The following PDSS1 variants were observed in gnomAD, a reference collection of about 807,000 sequenced individuals.
The protein encoded by PDSS1 is decaprenyl diphosphate synthase subunit 1.
A neutral mutation model predicts 57.5 loss-of-function variants in PDSS1; 43 were observed. The observed-to-expected ratio is 0.75, with a 90% confidence interval of 0.59 to 0.96. PDSS1 has a LOEUF of 0.96. Ranked by LOEUF, PDSS1 falls within the 50% of genes least tolerant of loss-of-function variation. PDSS1 has a pLI of 0.00. For synonymous variants in PDSS1, 175 were observed against 191.3 expected (o/e 0.91, Z 0.70); for missense variants, 438 against 527.8 (o/e 0.83, Z 1.67).
At position 26,709,669 on chromosome 10, in the gene PDSS1, A is replaced by G; in HGVS notation, c.368A>G (p.Glu123Gly). The change falls in exon 5 of 12, where the codon GAA (glutamate) becomes GGA (glycine). Residue 123 changes from glutamate to glycine, a missense_variant. Transcript: ENST00000376215. ...ELLISTSELK[E>G]MSEYYFDGKG... ...CTTATATCAACATCAGAACTTAAGGAAATGTCTGAGTACTACTTTGATGGG... is the reference window on the plus strand; with the variant it reads ...CTTATATCAACATCAGAACTTAAGGGAATGTCTGAGTACTACTTTGATGGG... 21 of 1,613,392 alleles carry G rather than the reference A, an allele frequency of 1.3e-5. No homozygotes were observed. The highest frequency in any genetic ancestry group is 1.8e-5 in the Non-Finnish European group (21 of 1,179,296).
In PDSS1 at chr10:26,746,596, T is replaced by TTGA; in HGVS notation, c.*126_*128dup. The TTGA allele has an allele frequency of 1.9e-6, 2 of 1,043,868 alleles. No individual in the cohort carries two copies. The highest frequency in any genetic ancestry group is 2.9e-6 in the Non-Finnish European group (2 of 701,460). 64.7% of individuals were successfully genotyped at this position (1,043,868 alleles called of 1,614,324 possible). A position where few individuals can be genotyped will look rare whatever the true frequency, so the allele number is the denominator to read the frequency against. On this transcript the variant is annotated 3_prime_UTR_variant, in exon 12 of 12. Transcript: ENST00000376215. ...ATCATTTTAAAAGATATCAAACTTA[T>TTGA]TGATGGGCAATTTATTTTTTTTTAT...
chr10:26,697,838 C>A lies in PDSS1; in HGVS notation c.127C>A (p.Gln43Lys). The A allele has an allele frequency of 1.5e-6, 2 of 1,337,592 alleles. No homozygotes were observed. The highest frequency in any genetic ancestry group is 1.9e-6 in the Non-Finnish European group (2 of 1,037,962). 82.9% of individuals were successfully genotyped at this position (1,337,592 alleles called of 1,614,324 possible). Residue 43 changes from glutamine to lysine, a missense_variant and splice_region_variant, in exon 1 of 12, where the codon CAG becomes AAG. Physicochemically the swap from Gln to Lys is moderately conservative, Grantham distance 53. Coordinates refer to ENST00000376215, the MANE Select transcript of PDSS1 (RefSeq NM_014317.5). ...GPSAAAEVRA[Q>K]VHRRKGLDLS... is the part of the protein sequence containing the mutation. ...GAGCGCCGCTGCCGAAGTCCGCGCG[C>A]AGGTGAGGTTGGGAGGCGCGCGCCC...
intron 8 of PDSS1, among the ~76,000 whole-genome samples, chr10:26,727,843 C>A (rs1292337216): frequency 6.6e-6 from 1 of 152,150 alleles, no homozygotes; most frequent in African/African-American, 2.4e-5. Context: ...AACAGTCTTT[C>A]TTTGCCTCTC....
In PDSS1 at chr10:26,746,697, TATAATC is replaced by T; in HGVS notation, c.*226_*231del. 1.9e-6 allele frequency: 1 copy of T among 528,024 alleles called. No individual in the cohort carries two copies. 32.7% of individuals were successfully genotyped at this position (528,024 alleles called of 1,614,324 possible). On this transcript the variant is annotated 3_prime_UTR_variant, in exon 12 of 12. Coordinates refer to ENST00000376215, the MANE Select transcript of PDSS1 (RefSeq NM_014317.5). ...AATCTGTCATTCTAGTCCTATAAAT[TATAATC>T]AAGGTATCTTGATGGTTATATGTGG...
chr10:26,705,863 A>G (rs1835196051), intron 4 of PDSS1, among the ~76,000 whole-genome samples: 1 of 152,334 alleles, frequency 6.6e-6, no homozygotes, highest in African/African-American at 2.4e-5. Context: ...GTGCCAGGCA[A>G]TATGAAGAAT....
intron 1 of PDSS1, 21 bp downstream of exon 1, chr10:26,697,861 C>G: frequency 7.7e-7 from 1 of 1,292,580 alleles, no homozygotes. Context: ...GAGGCGCGCG[C>G]CCGGCGGGGC....
chr10:26,743,239 T>TCTGCATGAC, intron 11 of PDSS1, among the ~76,000 whole-genome samples: 1 of 152,224 alleles, frequency 6.6e-6, no homozygotes, highest in South Asian at 2.1e-4. Context: ...TGACTTGAGT[T>TCTGCATGAC]TTGGTGACTG....
At chr10:26,721,222 C>A (rs1427716619) in intron 6 of PDSS1, among the ~76,000 whole-genome samples, 1 of 151,556 alleles carries the variant, frequency 6.6e-6, no homozygotes, top group East Asian at 1.9e-4. Context: ...TCGCTTGAAC[C>A]TGGGAGAGGG....
chr10:26,718,984 T>G (rs1835693530), intron 5 of PDSS1, among the ~76,000 whole-genome samples: 1 of 152,212 alleles, frequency 6.6e-6, no homozygotes, highest in Admixed American at 6.6e-5. Context: ...ACTTCATTTT[T>G]CATTGCTTTC....
chr10:26,713,809 C>T (rs370611648), intron 5 of PDSS1, among the ~76,000 whole-genome samples: 1 of 152,298 alleles, frequency 6.6e-6, no homozygotes, highest in East Asian at 1.9e-4. Context: ...AGCTGCTGTA[C>T]CAGGTATGGT....
chr10:26,725,224 C>T (rs529587895), intron 8 of PDSS1, among the ~76,000 whole-genome samples: 10 of 152,246 alleles, frequency 6.6e-5, no homozygotes, highest in Admixed American at 4.6e-4. Flanking sequence ...GTAAGGGTCG[C>T]ATGTCAATTG....
chr10:26,719,814 G>A (rs1423291802), intron 5 of PDSS1, among the ~76,000 whole-genome samples: 27 of 152,118 alleles, frequency 1.8e-4, no homozygotes, highest in Admixed American at 1.8e-3. Context: ...AGACAGTTGA[G>A]TCTTTAAAAT....
At chr10:26,710,495 ATT>A (rs541495006) in intron 5 of PDSS1, among the ~76,000 whole-genome samples, 9 of 78,858 alleles carry the variant, frequency 1.1e-4, no homozygotes, top group African/African-American at 1.2e-4. Flanking sequence ...TGCCCGGCTA[ATT>A]TTTTTTTTTT....
At chr10:26,698,372 G>T (rs572239072) in intron 1 of PDSS1, among the ~76,000 whole-genome samples, 6 of 152,274 alleles carry the variant, frequency 3.9e-5, no homozygotes, top group African/African-American at 1.4e-4. Flanking sequence ...TTGTCCAGCA[G>T]TGGCCTCGGG....
At position 26,746,714 on chromosome 10, in the gene PDSS1, G is replaced by A; in HGVS notation, c.*241G>A. On this transcript the variant is annotated 3_prime_UTR_variant, in exon 12 of 12. Transcript: ENST00000376215. ...CTATAAATTATAATCAAGGTATCTT[G>A]ATGGTTATATGTGGTATTGTTTACA... 1 of 505,180 alleles carries A rather than the reference G, an allele frequency of 2.0e-6. No individual in the cohort carries two copies. Among genetic ancestry groups the A allele is most frequent in the South Asian group, 2.1e-5 (1 of 48,494 alleles). The allele number at this position is 505,180 out of a possible 1,614,324, so 31.3% of individuals were successfully genotyped here. A position where few individuals can be genotyped will look rare whatever the true frequency, so the allele number is the denominator to read the frequency against.
At position 26,710,391 on chromosome 10, in the gene PDSS1, G is replaced by A. The variant is rs564246264; in HGVS notation, c.467+623G>A. Reference sequence around the variant, plus strand: ...CTCCCAAGTAGCTGGGACTACAGGCGCCTGCCACTGTGCCCCGCTAATTTT... The same window carrying A: ...CTCCCAAGTAGCTGGGACTACAGGCACCTGCCACTGTGCCCCGCTAATTTT... On this transcript the variant is annotated intron_variant, in intron 5 of 11. Transcript: ENST00000376215. Among the ~76,000 whole-genome samples the A allele has an allele frequency of 1.3e-3, 123 of 91,622 alleles. 36 individuals are homozygous for A. The highest frequency in any genetic ancestry group is 2.3e-3 in the African/African-American group (65 of 28,420). The allele number at this position is 91,622 out of a possible 152,430, so 60.1% of individuals were successfully genotyped here. A position where few individuals can be genotyped will look rare whatever the true frequency, so the allele number is the denominator to read the frequency against.
rs776310500 is a variant in PDSS1 at position 26,746,477 on chromosome 10, C to A, written c.*4C>A. ...TGTACTCACAAGAGATAAATGACAA[C>A]TCTTTCTGTTCTTTCTGGCAGCTAT... On this transcript the variant is annotated 3_prime_UTR_variant, in exon 12 of 12. Coordinates refer to ENST00000376215, the MANE Select transcript of PDSS1 (RefSeq NM_014317.5). 14 of 1,614,002 alleles carry A rather than the reference C, an allele frequency of 8.7e-6. No homozygotes were observed. Among genetic ancestry groups the A allele is most frequent in the Non-Finnish European group, 1.1e-5 (13 of 1,179,890 alleles).
chr10:26,730,532 C>A (rs1836150513), intron 8 of PDSS1, among the ~76,000 whole-genome samples: 1 of 151,672 alleles, frequency 6.6e-6, no homozygotes, highest in Non-Finnish European at 1.5e-5. Context: ...TCACCTGAGC[C>A]CTGGGAGGTC....
At chr10:26,738,916 A>G (rs917996227) in intron 10 of PDSS1, among the ~76,000 whole-genome samples, 5 of 152,256 alleles carry the variant, frequency 3.3e-5, no homozygotes, top group African/African-American at 1.2e-4. Context: ...ATGTGTACAT[A>G]TTCTCTTTAA....
Sources: allele counts gnomAD v4.1 joint callset (sites outside exome capture counted in the v4.1 genomes callset), GRCh38; gene constraint gnomAD v4.1.1; transcripts MANE v1.5; gene names NCBI Gene and HGNC (gene_info 2026-07-23, HGNC 2026-07-21).